Variants in SBF2 observed in about 807,000 individuals in gnomAD.
SBF2 encodes myotubularin-related protein 13.
In SBF2, 112 loss-of-function variants were observed where a neutral mutation model predicts 225.2. The ratio of observed to expected loss-of-function variants is 0.50; its 90% confidence interval spans 0.43 to 0.58. The LOEUF is 0.58. SBF2 is among the 20% of genes least tolerant of loss of function. The pLI is 0.00. For synonymous variants in SBF2, 763 were observed against 773.3 expected (o/e 0.99, Z 0.22); for missense variants, 1,996 against 2,206.2 (o/e 0.90, Z 1.91).
rs758912920 is a variant in SBF2, at chr11:9,856,471, T to A, written c.2350A>T (p.Ile784Phe). 6.2e-7 allele frequency: 1 copy of A among 1,613,986 alleles called. No homozygotes were observed. The highest frequency in any genetic ancestry group is 8.5e-7 in the Non-Finnish European group (1 of 1,180,034). Reference sequence around the variant, plus strand: ...ACATTTTGGTACCTGTTTGTGACAATGCTGTTGCTTCCGCTCTCCCAGTCA... The same window carrying A: ...ACATTTTGGTACCTGTTTGTGACAAAGCTGTTGCTTCCGCTCTCCCAGTCA... The part of the protein sequence containing the change: ...PGDWESGSNS[I>F]VTNSIAGSVA... The change falls in exon 19 of 40, where the codon ATT (isoleucine) becomes TTT (phenylalanine). Residue 784 changes from isoleucine (I) to phenylalanine (F), a missense_variant. Coordinates refer to ENST00000256190, the MANE Select transcript of SBF2 (RefSeq NM_030962.4).
intron 2 of SBF2, among the ~76,000 whole-genome samples, chr11:10,173,285 A>G (rs1014214153): frequency 6.6e-6 from 1 of 152,286 alleles, no homozygotes; most frequent in Admixed American, 6.5e-5. Context: ...GACAGTGGGC[A>G]CAGGTCAGTG....
At chr11:9,805,163 G>A (rs748803090) in intron 32 of SBF2, among the ~76,000 whole-genome samples, 46 of 151,476 alleles carry the variant, frequency 3.0e-4, no homozygotes, top group Non-Finnish European at 4.0e-4. Context: ...GGAAGACTGC[G>A]TGAGCCTGGG....
At chr11:10,259,467 T>G (rs1353908669) in intron 1 of SBF2, among the ~76,000 whole-genome samples, 3 of 152,166 alleles carry the variant, frequency 2.0e-5, no homozygotes, top group Admixed American at 6.5e-5. Context: ...ACCTTGTCCT[T>G]AGAACCTAAC....
At chr11:10,155,864 G>C (rs892005375) in intron 2 of SBF2, among the ~76,000 whole-genome samples, 5 of 152,232 alleles carry the variant, frequency 3.3e-5, no homozygotes, top group African/African-American at 1.2e-4. Flanking sequence ...CTGAAAGAAT[G>C]AATACAAATT....
At chr11:10,250,768 G>C (rs1408811305) in intron 1 of SBF2, among the ~76,000 whole-genome samples, 1 of 152,198 alleles carries the variant, frequency 6.6e-6, no homozygotes, top group Non-Finnish European at 1.5e-5. Flanking sequence ...GAACATCAGA[G>C]AAAGACTGCC....
intron 16 of SBF2, among the ~76,000 whole-genome samples, chr11:9,945,769 A>G (rs1865525838): frequency 6.6e-6 from 1 of 152,228 alleles, no homozygotes; most frequent in Admixed American, 6.5e-5. Flanking sequence ...AAAATGGGCA[A>G]AGGACATGAA....
chr11:10,041,790 C>T (rs531510399), intron 3 of SBF2, among the ~76,000 whole-genome samples: 36 of 148,332 alleles, frequency 2.4e-4, no homozygotes, highest in Non-Finnish European at 4.1e-4. Context: ...CCAATCTTTT[C>T]CCCCAAGTGA....
chr11:10,192,680 C>A (rs1957220373), intron 2 of SBF2, among the ~76,000 whole-genome samples: 1 of 152,066 alleles, frequency 6.6e-6, no homozygotes, highest in South Asian at 2.1e-4. Flanking sequence ...ATTCTGCTGG[C>A]TCAAAGTAGT....
intron 1 of SBF2, among the ~76,000 whole-genome samples, chr11:10,290,152 T>C (rs1396004296): frequency 6.6e-6 from 1 of 152,166 alleles, no homozygotes; most frequent in Non-Finnish European, 1.5e-5. Context: ...ATCTTCCTTC[T>C]CCTTCCCTTT....
intron 2 of SBF2, among the ~76,000 whole-genome samples, chr11:10,129,094 T>TTCTC (rs201440867): frequency 3.1e-4 from 36 of 116,168 alleles, no homozygotes; most frequent in Non-Finnish European, 4.2e-4. Flanking sequence ...GCACGCAATT[T>TTCTC]TCTCTCTTTT....
At chr11:9,948,320 A>G (rs1865677779) in intron 16 of SBF2, among the ~76,000 whole-genome samples, 8 of 152,068 alleles carry the variant, frequency 5.3e-5, no homozygotes, top group Admixed American at 5.2e-4. Context: ...GAAGATGGAA[A>G]AAGTTATGGA....
intron 2 of SBF2, among the ~76,000 whole-genome samples, chr11:10,183,813 A>T (rs1416595203): frequency 1.3e-5 from 2 of 152,200 alleles, no homozygotes; most frequent in Admixed American, 6.5e-5. Context: ...CAGAGAGTAG[A>T]ATTGTGGTTA....
chr11:9,972,101 TG>T (rs1946487520), intron 13 of SBF2, among the ~76,000 whole-genome samples: 1 of 152,236 alleles, frequency 6.6e-6, no homozygotes, highest in Non-Finnish European at 1.5e-5. Context: ...AACTCTAGCT[TG>T]GCCACTTACT....
At chr11:9,913,126 A>C (rs1486727781) in intron 16 of SBF2, among the ~76,000 whole-genome samples, 1 of 152,188 alleles carries the variant, frequency 6.6e-6, no homozygotes, top group Non-Finnish European at 1.5e-5. Context: ...TCTATGAAAA[A>C]TACAAAAATT....
At chr11:10,076,318 T>G (rs578180891) in intron 2 of SBF2, among the ~76,000 whole-genome samples, 1 of 152,238 alleles carries the variant, frequency 6.6e-6, no homozygotes, top group East Asian at 1.9e-4. Context: ...AGAAGGCCAT[T>G]CTTGATCCAA....
At chr11:10,234,139 C>T (rs564422463) in intron 1 of SBF2, among the ~76,000 whole-genome samples, 1 of 152,294 alleles carries the variant, frequency 6.6e-6, no homozygotes, top group East Asian at 1.9e-4. Flanking sequence ...TGTCCCCTTA[C>T]ATTCTGCCAT....
chr11:10,064,310 GA>G (rs1950557943), intron 2 of SBF2, among the ~76,000 whole-genome samples: 1 of 152,016 alleles, frequency 6.6e-6, no homozygotes, highest in Admixed American at 6.6e-5. Flanking sequence ...GTTAAACAAG[GA>G]TTGTTTAAGC....
At chr11:9,914,416 G>A (rs1009835852) in intron 16 of SBF2, among the ~76,000 whole-genome samples, 6 of 152,216 alleles carry the variant, frequency 3.9e-5, no homozygotes, top group Non-Finnish European at 1.5e-5. Flanking sequence ...CTTTGACAAA[G>A]GAGCAAAGGC....
At chr11:10,229,681 T>A (rs922735725) in intron 1 of SBF2, among the ~76,000 whole-genome samples, 3 of 152,236 alleles carry the variant, frequency 2.0e-5, no homozygotes, top group South Asian at 2.1e-4. Context: ...TGAGAGATAG[T>A]TTCTGATAAT....
Sources: gnomAD v4.1 joint callset for allele counts (sites outside exome capture counted in the v4.1 genomes callset) on GRCh38, gnomAD v4.1.1 for gene constraint, MANE v1.5 for transcripts, NCBI Gene and HGNC (gene_info 2026-07-23, HGNC 2026-07-21) for gene names.